The following TOM1L2 variants were observed in gnomAD, a reference collection of about 807,000 sequenced individuals.
TOM1L2 encodes TOM1-like protein 2.
In TOM1L2, 31 loss-of-function variants were observed where a neutral mutation model predicts 67.9. The ratio of observed to expected loss-of-function variants is 0.46; its 90% CI spans 0.34 to 0.62. TOM1L2 has a LOEUF of 0.62. Ranked by LOEUF, TOM1L2 falls within the 20% of genes least tolerant of loss-of-function variation. The probability of loss-of-function intolerance (pLI) is 0.01; values close to 1 mark genes in which losing one functional copy is unlikely to be tolerated. For synonymous variants in TOM1L2, 256 were observed against 254.0 expected, an observed-to-expected ratio of 1.01 and a Z score of -0.07; for missense variants, 606 against 663.5, an observed-to-expected ratio of 0.91 and a Z score of 0.95.
intron 1 of TOM1L2, among the ~76,000 whole-genome samples, chr17:17,909,865 C>CA (rs1029797336): frequency 5.9e-5 from 9 of 152,016 alleles, no homozygotes; most frequent in Non-Finnish European, 1.2e-4. Context: ...ATTGTTTCTA[C>CA]AAAAAATTTA....
intron 2 of TOM1L2, among the ~76,000 whole-genome samples, chr17:17,905,915 CTT>C (rs2039074639): frequency 6.6e-6 from 1 of 152,072 alleles, no homozygotes; most frequent in Admixed American, 6.6e-5. Flanking sequence ...CAGGTACTCT[CTT>C]CTTTGACCAC....
chr17:17,900,645 T>C (rs576340001), intron 2 of TOM1L2, among the ~76,000 whole-genome samples: 2 of 152,246 alleles, frequency 1.3e-5, no homozygotes, highest in East Asian at 1.9e-4. Flanking sequence ...ATGGCTGCCC[T>C]GTAGGAATTC....
intron 3 of TOM1L2, among the ~76,000 whole-genome samples, chr17:17,894,971 A>ATATACATG (rs1482198508): frequency 1.5e-5 from 1 of 65,830 alleles, no homozygotes; most frequent in Non-Finnish European, 5.9e-5. Context: ...ATACATACAT[A>ATATACATG]CATACATGCA....
Position 17,924,604 on chromosome 17 carries a change from A to G in TOM1L2, c.53-17073T>C, listed in dbSNP as rs139174546. ...AGCAACATAAACCTTGCCTCTACAA[A>G]AAATACAAAATTAGCCAGGCATGGT... On this transcript the variant is annotated intron_variant, in intron 1 of 14. Coordinates refer to ENST00000379504, the MANE Select transcript of TOM1L2 (RefSeq NM_001082968.2). Among the ~76,000 whole-genome samples the G allele has an allele frequency of 3.0e-3, 460 of 152,190 alleles. 2 individuals are homozygous for G. Among genetic ancestry groups the G allele is most frequent in the South Asian group, 5.0e-3 (24 of 4,822 alleles).
At chr17:17,960,881 C>G (rs980359042) in intron 1 of TOM1L2, among the ~76,000 whole-genome samples, 1 of 151,990 alleles carries the variant, frequency 6.6e-6, no homozygotes, top group African/African-American at 2.4e-5. Context: ...GTGTTAGATT[C>G]GACTGAAAGA....
chr17:17,887,328 G>A (rs2038049455), intron 4 of TOM1L2, among the ~76,000 whole-genome samples: 1 of 152,248 alleles, frequency 6.6e-6, no homozygotes, highest in Non-Finnish European at 1.5e-5. Context: ...GGATTCTCAT[G>A]CCAACAGAGG....
intron 3 of TOM1L2, among the ~76,000 whole-genome samples, chr17:17,898,302 G>T (rs930828164): frequency 1.3e-5 from 2 of 152,162 alleles, no homozygotes; most frequent in Non-Finnish European, 2.9e-5. Context: ...ACAGAAAAGG[G>T]ACCCACCCAA....
At chr17:17,904,625 G>A (rs1198850572) in intron 2 of TOM1L2, among the ~76,000 whole-genome samples, 1 of 152,116 alleles carries the variant, frequency 6.6e-6, no homozygotes, top group Non-Finnish European at 1.5e-5. Flanking sequence ...AGCAGGAAGG[G>A]GTAGGAGGGA....
chr17:17,921,641 G>A (rs1676369973), intron 1 of TOM1L2, among the ~76,000 whole-genome samples: 1 of 151,420 alleles, frequency 6.6e-6, no homozygotes, highest in Admixed American at 6.6e-5. Context: ...AGCAGGCTGT[G>A]CTCTAATGTC....
chr17:17,911,637 T>C (rs1408092049), intron 1 of TOM1L2, among the ~76,000 whole-genome samples: 1 of 152,136 alleles, frequency 6.6e-6, no homozygotes, highest in African/African-American at 2.4e-5. Context: ...CTTGATTAGC[T>C]GGAAATTCTT....
At chr17:17,963,212 CA>C (rs1205678115) in intron 1 of TOM1L2, among the ~76,000 whole-genome samples, 4 of 152,272 alleles carry the variant, frequency 2.6e-5, no homozygotes, top group African/African-American at 9.6e-5. Context: ...CATACAAAAG[CA>C]GTCGCATCGA....
chr17:17,863,892 G>T (rs1242194369), intron 10 of TOM1L2, among the ~76,000 whole-genome samples: 1 of 151,960 alleles, frequency 6.6e-6, no homozygotes, highest in Admixed American at 6.6e-5. Flanking sequence ...TTGAGACAGG[G>T]TCTCACTCTG....
chr17:17,870,964 C>G (rs2037119908), intron 7 of TOM1L2, among the ~76,000 whole-genome samples: 1 of 152,254 alleles, frequency 6.6e-6, no homozygotes, highest in South Asian at 2.1e-4. Context: ...TATCTGCCCT[C>G]CCGTCTAGAC....
intron 1 of TOM1L2, among the ~76,000 whole-genome samples, chr17:17,937,573 G>A (rs1222086634): frequency 6.6e-6 from 1 of 152,154 alleles, no homozygotes; most frequent in Non-Finnish European, 1.5e-5. Flanking sequence ...CAGTGATTGA[G>A]GACCCCAAGT....
chr17:17,956,770 G>C (rs1025054007), intron 1 of TOM1L2, among the ~76,000 whole-genome samples: 2 of 152,198 alleles, frequency 1.3e-5, no homozygotes, highest in Non-Finnish European at 2.9e-5. Context: ...CTGCGGTGCT[G>C]GGCCCGCTGA....
Position 17,861,503 on chromosome 17 carries a change from T to A in TOM1L2, c.1251A>T (p.Leu417=), listed in dbSNP as rs1332169779. Residue 417 remains leucine, a synonymous_variant, in exon 12 of 15, where the codon CTA becomes CTT. Coordinates refer to ENST00000379504, the MANE Select transcript of TOM1L2 (RefSeq NM_001082968.2). ...CTTCTGAACTCTGTTTTCGATTGTCTAGTGCAGAAGCAAGTCCTCCGACAG... is the reference window on the plus strand; with the variant it reads ...CTTCTGAACTCTGTTTTCGATTGTCAAGTGCAGAAGCAAGTCCTCCGACAG... ...PQAVGGLASA[L]DNRKQSSEGI... 2 of 1,614,096 alleles carry A rather than the reference T, an allele frequency of 1.2e-6. No individual in the cohort carries two copies. The highest frequency in any genetic ancestry group is 4.5e-5 in the East Asian group (2 of 44,880).
chr17:17,882,661 G>T, intron 6 of TOM1L2, 44 bp downstream of exon 6: 1 of 1,603,052 alleles, frequency 6.2e-7, no homozygotes, highest in Non-Finnish European at 8.5e-7. Flanking sequence ...AGATGAAAAA[G>T]GATAGTCAGC....
chr17:17,942,819 C>T (rs2040790293), intron 1 of TOM1L2, among the ~76,000 whole-genome samples: 1 of 152,172 alleles, frequency 6.6e-6, no homozygotes, highest in Non-Finnish European at 1.5e-5. Context: ...AAGGCTTTTG[C>T]CAGCTTTAGT....
intron 5 of TOM1L2, among the ~76,000 whole-genome samples, chr17:17,883,473 G>A (rs1444944533): frequency 2.0e-5 from 3 of 152,062 alleles, no homozygotes; most frequent in East Asian, 1.9e-4. Context: ...GGTGGCTTAC[G>A]CCTGTAATCT....
Sources: gnomAD v4.1 joint callset for allele counts (sites outside exome capture counted in the v4.1 genomes callset) on GRCh38, gnomAD v4.1.1 for gene constraint, MANE v1.5 for transcripts, NCBI Gene and HGNC (gene_info 2026-07-23, HGNC 2026-07-21) for gene names.